MICAL1: variants seen among roughly 807,000 people sequenced by gnomAD.
MICAL1 encodes the protein [F-actin]-monooxygenase MICAL1.
Under a neutral mutation model 131.8 loss-of-function variants are expected in MICAL1, and 95 were observed. That is an observed-to-expected ratio of 0.72 (90% confidence interval 0.61 to 0.86). The LOEUF is 0.86. MICAL1 is among the 40% of genes least tolerant of loss of function. The pLI is 0.00. For synonymous variants in MICAL1, 546 were observed against 554.2 expected, an observed-to-expected ratio of 0.99 and a Z score of 0.21; for missense variants, 1,292 against 1,380.6, an observed-to-expected ratio of 0.94 and a Z score of 1.02.
chr6:109,452,225 T>G, intron 6 of MICAL1, 21 bp downstream of exon 6: 1 of 1,594,780 alleles, frequency 6.3e-7, no homozygotes, highest in Non-Finnish European at 8.6e-7. Flanking sequence ...GGAGGGGAAA[T>G]TCAGCAAGAG....
chr6:109,449,108 G>T, intron 11 of MICAL1: 1 of 670,132 alleles, frequency 1.5e-6, no homozygotes, highest in Non-Finnish European at 2.5e-6. Context: ...ATCGCAACTG[G>T]CCACATAGAG....
chr6:109,453,901 G>A lies in MICAL1; in HGVS notation c.258+38C>T, dbSNP rs550537810. On this transcript the variant is annotated intron_variant, in intron 2 of 24. Coordinates refer to ENST00000358807, the MANE Select transcript of MICAL1 (RefSeq NM_022765.4). ...CATCCTGTCCGTCCTCTGACTCCCC[G>A]CATGCTCCACACCCCATCCCAGGCA... 3.4e-5 allele frequency: 54 copies of A among 1,610,136 alleles called. 1 individual carries two copies. Among genetic ancestry groups the A allele is most frequent in the African/African-American group, 2.0e-4 (15 of 74,990 alleles).
intron 11 of MICAL1, chr6:109,449,139 G>A: frequency 1.5e-6 from 1 of 663,502 alleles, no homozygotes; most frequent in South Asian, 1.8e-5. Context: ...TAAACTGGGG[G>A]CAGGGGAGGT....
chr6:109,460,088 C>T (rs968720837), upstream of MICAL1, among the ~76,000 whole-genome samples: 4 of 110,072 alleles, frequency 3.6e-5, no homozygotes, highest in Non-Finnish European at 7.0e-5. Context: ...TATAGTACCA[C>T]TTTTCAGACT....
exon 1 of MICAL1, chr6:109,465,731 C>A: frequency 6.2e-7 from 1 of 1,610,200 alleles, no homozygotes; most frequent in Non-Finnish European, 8.5e-7. Context: ...TTAGCCATCA[C>A]AGCTCTCACA....
chr6:109,463,803 TTAAA>T (rs1464439753), intron 1 of MICAL1: 1 of 152,250 alleles, frequency 6.6e-6, no homozygotes, highest in Non-Finnish European at 1.5e-5. Context: ...AAATGTTGGA[TTAAA>T]TAAACTTTTA....
chr6:109,453,424 T>C (rs1355886780), intron 3 of MICAL1, 57 bp from the exon 4 acceptor site: 3 of 1,569,784 alleles, frequency 1.9e-6, no homozygotes, highest in Admixed American at 1.7e-5. Context: ...GCTCCCCATG[T>C]ACCAGTGTGT....
Position 109,448,735 on chromosome 6 carries a change from A to C in MICAL1, c.1661T>G (p.Leu554Arg), listed in dbSNP as rs1311327811. Residue 554 changes from leucine (L) to arginine (R), a missense_variant, in exon 12 of 25, where the codon CTG becomes CGG. Transcript: ENST00000358807. The part of the protein sequence containing the change: ...CALVYRLQPG[L>R]LEPSELQGLG... ...GGTGGGTCTGCCAGGGACTCACAGC[A>C]GGCCAGGCTGCAGCCGGTACACCAG... 1.2e-5 allele frequency: 20 copies of C among 1,613,878 alleles called. No individual in the cohort carries two copies. Among genetic ancestry groups the C allele is most frequent in the Non-Finnish European group, 1.5e-5 (18 of 1,179,960 alleles).
rs201052865 is a variant in MICAL1 at position 109,446,696 on chromosome 6, C to T, written c.2304G>A (p.Pro768=). ...ATACATACACGCCTTCAGTCTTTACCGGACTCTCAGGGCCTCTATCGCTGC... is the reference window on the plus strand; with the variant it reads ...ATACATACACGCCTTCAGTCTTTACTGGACTCTCAGGGCCTCTATCGCTGC... ...AEGSDRGPES[P]ELPTPSENSM... is the part of the protein sequence containing the mutation. Residue 768 remains proline, a splice_region_variant and synonymous_variant, in exon 18 of 25, where the codon CCG becomes CCA. Coordinates refer to ENST00000358807, the MANE Select transcript of MICAL1 (RefSeq NM_022765.4). The T allele has an allele frequency of 1.2e-5, 19 of 1,613,472 alleles. No homozygotes were observed. Among genetic ancestry groups the T allele is most frequent in the Admixed American group, 5.0e-5 (3 of 59,966 alleles).
In MICAL1 at chr6:109,455,585, C is replaced by G; in HGVS notation, c.-44+134G>C. 2 of 571,984 alleles carry G rather than the reference C, an allele frequency of 3.5e-6. No individual in the cohort carries two copies. Among genetic ancestry groups the G allele is most frequent in the Non-Finnish European group, 4.4e-6 (2 of 451,322 alleles). The allele number at this position is 571,984 out of a possible 1,614,324, so 35.4% of individuals were successfully genotyped here. ...AAGTCCGGACGCGGCGTGAGCAGGGCTGGGCTGAGGGAAGACCTGCCTGAC... is the reference window on the plus strand; with the variant it reads ...AAGTCCGGACGCGGCGTGAGCAGGGGTGGGCTGAGGGAAGACCTGCCTGAC... On this transcript the variant is annotated intron_variant, in intron 1 of 24. Coordinates refer to ENST00000358807, the MANE Select transcript of MICAL1 (RefSeq NM_022765.4). The surrounding 1 kb of genome is among the most constrained non-coding windows in gnomAD (Gnocchi z 4.7).
rs573556156 is a variant in MICAL1, at chr6:109,446,025, C to T, written c.2581+111G>A. On this transcript the variant is annotated intron_variant, in intron 19 of 24. Coordinates refer to ENST00000358807, the MANE Select transcript of MICAL1 (RefSeq NM_022765.4). ...GAATGGAGCAGAGGAGAGGCTGCCA[C>T]GGCCTGGGATCCCCACAACTTCCCT... The T allele has an allele frequency of 4.6e-4, 678 of 1,470,028 alleles. 2 individuals carry two copies. The highest frequency in any genetic ancestry group is 7.3e-4 in the African/African-American group (52 of 71,052). 91.1% of individuals were successfully genotyped at this position (1,470,028 alleles called of 1,614,324 possible).
upstream of MICAL1, among the ~76,000 whole-genome samples, chr6:109,458,564 C>G (rs1412347730): frequency 6.6e-6 from 1 of 152,114 alleles, no homozygotes; most frequent in Non-Finnish European, 1.5e-5. Flanking sequence ...CCATTGCACT[C>G]CAGCCTGGGC....
At chr6:109,453,906 C>G in intron 2 of MICAL1, 33 bp downstream of exon 2, 3 of 1,611,364 alleles carry the variant, frequency 1.9e-6, no homozygotes, top group Non-Finnish European at 2.5e-6. Context: ...TCCCCGCATG[C>G]TCCACACCCC....
chr6:109,460,523 TACACAC>T (rs113472586), upstream of MICAL1, among the ~76,000 whole-genome samples: 42 of 147,780 alleles, frequency 2.8e-4, no homozygotes, highest in East Asian at 3.2e-3. Flanking sequence ...TATATATAAA[TACACAC>T]ACACACACAC....
Position 109,447,195 on chromosome 6 carries a change from T to G in MICAL1, c.2105A>C (p.Glu702Ala). 6.2e-7 allele frequency: 1 copy of G among 1,614,044 alleles called. No individual in the cohort carries two copies. The highest frequency in any genetic ancestry group is 8.5e-7 in the Non-Finnish European group (1 of 1,179,944). ...GAGGCGTTCCAGGACATAGAGGTGT[T>G]CCCCACAAAGTGCACACAGGTCCCC... is the stretch of plus-strand genomic sequence containing the variant. ...GAGDLCALCGEHLYVLERLCV... is the reference protein window; with the variant it reads ...GAGDLCALCGAHLYVLERLCV... Residue 702 changes from glutamate (E) to alanine (A), a missense_variant, in exon 17 of 25, where the codon GAA becomes GCA. Transcript: ENST00000358807.
chr6:109,453,771 C>T lies in MICAL1; in HGVS notation c.333G>A (p.Val111=), dbSNP rs748636302. 9 of 1,613,684 alleles carry T rather than the reference C, an allele frequency of 5.6e-6. No homozygotes were observed. The East Asian group carries it at 1.8e-4, about 32-fold the overall frequency. Residue 111 remains valine (V), a synonymous_variant, in exon 3 of 25, where the codon GTG becomes GTA. Coordinates refer to ENST00000358807, the MANE Select transcript of MICAL1 (RefSeq NM_022765.4). ...AGAACTTGGTGCGCTTTTCCACCAG[C>T]ACCACTCGGGCCCCCAGCAGCGCCA... ...VELALLGARV[V]LVEKRTKFSR... is the part of the protein sequence containing the mutation.
intron 18 of MICAL1, 118 bp from the exon 19 acceptor site, chr6:109,446,530 A>T (rs1431363265): frequency 7.1e-7 from 1 of 1,414,288 alleles, no homozygotes; most frequent in Non-Finnish European, 9.9e-7. Flanking sequence ...GCTGTGTTTT[A>T]GATACTTGAG....
chr6:109,460,326 G>A (rs1775853276), upstream of MICAL1, among the ~76,000 whole-genome samples: 1 of 151,192 alleles, frequency 6.6e-6, no homozygotes, highest in Non-Finnish European at 1.5e-5. Flanking sequence ...TGTGGTGGTG[G>A]TGCATGCCTG....
intron 11 of MICAL1, 144 bp from the exon 12 acceptor site, chr6:109,449,023 A>G (rs1244577924): frequency 1.9e-6 from 2 of 1,041,668 alleles, no homozygotes; most frequent in Admixed American, 5.4e-5. Flanking sequence ...AAAGCTGACT[A>G]TCAGCAGCTC....
Sources: allele counts gnomAD v4.1 joint callset (sites outside exome capture counted in the v4.1 genomes callset), GRCh38; gene constraint gnomAD v4.1.1; non-coding constraint Gnocchi (gnomAD v3.1); transcripts MANE v1.5; gene names NCBI Gene and HGNC (gene_info 2026-07-23, HGNC 2026-07-21).